Variants in PLSCR4 observed in about 807,000 individuals in gnomAD.
PLSCR4 encodes phospholipid scramblase 4.
In PLSCR4, 25 loss-of-function variants were observed where a neutral mutation model predicts 36.3. That is an observed-to-expected ratio of 0.69 (90% CI 0.50 to 0.96). PLSCR4 has a LOEUF of 0.96. PLSCR4 is among the 40% of genes least tolerant of loss of function. PLSCR4 has a pLI of 0.00. For synonymous variants in PLSCR4, 122 were observed against 132.9 expected (o/e 0.92, Z 0.56); for missense variants, 408 against 414.7 (o/e 0.98, Z 0.14).
intron 3 of PLSCR4, among the ~76,000 whole-genome samples, chr3:146,217,173 T>G (rs1368907201): frequency 6.6e-6 from 1 of 151,988 alleles, no homozygotes; most frequent in Admixed American, 6.6e-5. Context: ...TAAGAAAAGG[T>G]GAATGGTTGT....
In PLSCR4 at chr3:146,192,749, C is replaced by A. The variant is rs1219937411; in HGVS notation, c.*1662G>T. On this transcript the variant is annotated 3_prime_UTR_variant, in exon 9 of 9. Coordinates refer to ENST00000354952, the MANE Select transcript of PLSCR4 (RefSeq NM_020353.3). ...ATCATTATAGGAAATACATAGTCTA[C>A]TTACGATTGCAATGGCACTTTCAAA... 1 of 151,778 alleles carries A rather than the reference C, an allele frequency of 6.6e-6. No homozygotes were observed. The highest frequency in any genetic ancestry group is 1.5e-5 in the Non-Finnish European group (1 of 67,952). 9.4% of individuals were successfully genotyped at this position (151,778 alleles called of 1,614,324 possible). A position where few individuals can be genotyped will look rare whatever the true frequency, so the allele number is the denominator to read the frequency against.
intron 3 of PLSCR4, among the ~76,000 whole-genome samples, chr3:146,220,402 G>A (rs1402198344): frequency 6.6e-6 from 1 of 152,074 alleles, no homozygotes; most frequent in Admixed American, 6.6e-5. Context: ...TCATGACCCT[G>A]TACTTACGGA....
At chr3:146,199,704 TCTGG>T in intron 6 of PLSCR4, 105 bp downstream of exon 6, 1 of 884,268 alleles carries the variant, frequency 1.1e-6, no homozygotes, top group South Asian at 1.6e-5. Context: ...CTTCTTCCAT[TCTGG>T]CTGGCAGGGC....
chr3:146,192,359 T>A lies in PLSCR4; in HGVS notation c.*2052A>T, dbSNP rs1364935948. The A allele has an allele frequency of 6.6e-6, 1 of 150,728 alleles. No homozygotes were observed. Among genetic ancestry groups the A allele is most frequent in the Non-Finnish European group, 1.5e-5 (1 of 67,710 alleles). The allele number at this position is 150,728 out of a possible 1,614,324, so 9.3% of individuals were successfully genotyped here. ...GTTTTACTATTAACCATTGTATATT[T>A]ATTTAAAAGCCATAAAGAATACGAA... On this transcript the variant is annotated 3_prime_UTR_variant, in exon 9 of 9. Coordinates refer to ENST00000354952, the MANE Select transcript of PLSCR4 (RefSeq NM_020353.3).
At chr3:146,238,808 AAAAG>A (rs1159502698) in intron 1 of PLSCR4, among the ~76,000 whole-genome samples, 3 of 152,146 alleles carry the variant, frequency 2.0e-5, no homozygotes, top group African/African-American at 7.2e-5. Context: ...TAGGTTAGAA[AAAAG>A]AAATAAAGCC....
At chr3:146,223,129 A>G (rs2035249978) in intron 1 of PLSCR4, among the ~76,000 whole-genome samples, 1 of 152,120 alleles carries the variant, frequency 6.6e-6, no homozygotes, top group Non-Finnish European at 1.5e-5. Flanking sequence ...AAGAAGTTAA[A>G]CATTTAAATT....
At chr3:146,221,516 T>C (rs2035140336) in intron 2 of PLSCR4, among the ~76,000 whole-genome samples, 1 of 152,140 alleles carries the variant, frequency 6.6e-6, no homozygotes, top group Non-Finnish European at 1.5e-5. Flanking sequence ...CTGAAGTCAG[T>C]TTCATGATGT....
chr3:146,236,775 C>T (rs1472562810), intron 1 of PLSCR4, among the ~76,000 whole-genome samples: 1 of 146,982 alleles, frequency 6.8e-6, no homozygotes, highest in African/African-American at 2.7e-5. Flanking sequence ...TGAAAATGGA[C>T]TAATACAGAC....
At chr3:146,229,091 T>C (rs572065298) in intron 1 of PLSCR4, among the ~76,000 whole-genome samples, 33 of 152,348 alleles carry the variant, frequency 2.2e-4, no homozygotes, top group East Asian at 2.1e-3. Context: ...AGTTGTTACA[T>C]ATAACTTAGT....
chr3:146,209,822 T>C (rs547706270), intron 3 of PLSCR4, among the ~76,000 whole-genome samples: 4 of 152,100 alleles, frequency 2.6e-5, no homozygotes, highest in African/African-American at 9.6e-5. Context: ...AGCCCACAAG[T>C]GATGTTGTCT....
At position 146,199,930 on chromosome 3, in the gene PLSCR4, C is replaced by T. The variant is rs1291929122; in HGVS notation, c.507G>A (p.Arg169=). Residue 169 remains arginine (R), a synonymous_variant, in exon 6 of 9, where the codon CGG becomes CGA. Coordinates refer to ENST00000354952, the MANE Select transcript of PLSCR4 (RefSeq NM_020353.3). ...DTDDFTRNAY[R]TLRPFVLRVT... is the part of the protein sequence containing the mutation. ...CCCGGAGGACGAAGGGCCTTAGTGT[C>T]CGATAGGCATTCCTGGTAAAGTCAT... is the stretch of plus-strand genomic sequence containing the variant. 1 of 1,613,506 alleles carries T rather than the reference C, an allele frequency of 6.2e-7. No individual in the cohort carries two copies. Among genetic ancestry groups the T allele is most frequent in the Non-Finnish European group, 8.5e-7 (1 of 1,179,700 alleles).
chr3:146,194,336 G>A lies in PLSCR4; in HGVS notation c.*75C>T. 2.1e-6 allele frequency: 2 copies of A among 935,450 alleles called. No homozygotes were observed. Among genetic ancestry groups the A allele is most frequent in the Non-Finnish European group, 3.5e-6 (2 of 570,266 alleles). 57.9% of individuals were successfully genotyped at this position (935,450 alleles called of 1,614,324 possible). A position where few individuals can be genotyped will look rare whatever the true frequency, so the allele number is the denominator to read the frequency against. On this transcript the variant is annotated 3_prime_UTR_variant, in exon 9 of 9. Transcript: ENST00000354952. ...CAAAGAAATACACTTGCAAATAACT[G>A]AGTGCTGACTGTAAGCCCAATCCAA...
chr3:146,201,890 A>G (rs886550845), intron 4 of PLSCR4, among the ~76,000 whole-genome samples: 27 of 152,072 alleles, frequency 1.8e-4, no homozygotes, highest in African/African-American at 5.8e-4. Flanking sequence ...CACACTGATT[A>G]TATTTGTATA....
intron 4 of PLSCR4, among the ~76,000 whole-genome samples, chr3:146,205,791 C>T (rs1407382089): frequency 3.9e-5 from 6 of 151,990 alleles, no homozygotes; most frequent in Admixed American, 1.3e-4. Context: ...TAACTGAAAC[C>T]GCAGGAATCA....
At position 146,199,979 on chromosome 3, in the gene PLSCR4, A is replaced by T. The variant is rs763987919; in HGVS notation, c.458T>A (p.Val153Asp). The T allele has an allele frequency of 3.7e-6, 6 of 1,612,780 alleles. No individual in the cohort carries two copies. In the East Asian group the frequency reaches 1.3e-4, roughly 36 times the overall value. Reference protein sequence around the residue: ...YDIKNNSDQMVYIVTEDTDDF... With the variant: ...YDIKNNSDQMDYIVTEDTDDF... ...ATCTGTGTCTTCGGTTACAATGTAA[A>T]CCATCTGGTCTGAGTTGTTTTTAAT... Residue 153 changes from valine to aspartate, a missense_variant, in exon 6 of 9, where the codon GTT becomes GAT. Physicochemically the swap from Val to Asp is radical, Grantham distance 152. Coordinates refer to ENST00000354952, the MANE Select transcript of PLSCR4 (RefSeq NM_020353.3).
intron 1 of PLSCR4, 37 bp downstream of exon 1, chr3:146,250,923 T>A (rs1275105042): frequency 2.6e-5 from 4 of 151,512 alleles, no homozygotes; most frequent in African/African-American, 9.7e-5. Flanking sequence ...CGCGCCACCC[T>A]GTCCTGCTCT....
chr3:146,201,837 A>C (rs2034064017), intron 4 of PLSCR4, among the ~76,000 whole-genome samples: 1 of 152,072 alleles, frequency 6.6e-6, no homozygotes, highest in Non-Finnish European at 1.5e-5. Context: ...TATCTGTTAC[A>C]TGTGAGAACA....
chr3:146,241,995 T>C (rs977835598), intron 1 of PLSCR4, among the ~76,000 whole-genome samples: 1 of 152,212 alleles, frequency 6.6e-6, no homozygotes, highest in Admixed American at 6.5e-5. Flanking sequence ...GGTTGTATTC[T>C]TGTAACAAGT....
chr3:146,241,862 C>A (rs2036163300), intron 1 of PLSCR4, among the ~76,000 whole-genome samples: 1 of 152,188 alleles, frequency 6.6e-6, no homozygotes, highest in South Asian at 2.1e-4. Flanking sequence ...CGCAAGATAA[C>A]AGGAAATTCT....
Sources: allele counts gnomAD v4.1 joint callset (sites outside exome capture counted in the v4.1 genomes callset), GRCh38; gene constraint gnomAD v4.1.1; transcripts MANE v1.5; gene names NCBI Gene and HGNC (gene_info 2026-07-23, HGNC 2026-07-21).